The following LRRC49 variants were observed in gnomAD, a reference collection of about 807,000 sequenced individuals.
LRRC49 encodes the protein leucine rich repeat containing 49.
LRRC49 carries 50 observed loss-of-function variants against 83.3 expected under a neutral mutation model. The ratio of observed to expected loss-of-function variants is 0.60; its 90% confidence interval spans 0.48 to 0.76. The LOEUF (loss-of-function observed/expected upper bound fraction) is 0.76, where lower values mean the gene tolerates loss of function less well. Ranked by LOEUF, LRRC49 falls within the 30% of genes least tolerant of loss-of-function variation. The pLI is 0.00. For synonymous variants in LRRC49, 286 were observed against 283.3 expected (o/e 1.01, Z -0.10); for missense variants, 704 against 809.1 (o/e 0.87, Z 1.58).
At chr15:70,876,794 C>A (rs771800521) in intron 2 of LRRC49, among the ~76,000 whole-genome samples, 7 of 152,184 alleles carry the variant, frequency 4.6e-5, no homozygotes, top group Admixed American at 2.6e-4. Context: ...CAAAGGCATG[C>A]CATCTCTAAC....
chr15:71,046,935 T>C (rs546954766), intron 15 of LRRC49, among the ~76,000 whole-genome samples: 2 of 152,350 alleles, frequency 1.3e-5, no homozygotes, highest in South Asian at 4.1e-4. Context: ...GCACCGTTTA[T>C]AGAATAGGGA....
At chr15:71,046,616 T>C (rs1301645482) in intron 15 of LRRC49, among the ~76,000 whole-genome samples, 1 of 152,218 alleles carries the variant, frequency 6.6e-6, no homozygotes, top group Non-Finnish European at 1.5e-5. Context: ...GTCAGATACA[T>C]AGTTTGCAAA....
chr15:70,992,824 G>A (rs1474140473), intron 11 of LRRC49, among the ~76,000 whole-genome samples: 1 of 152,174 alleles, frequency 6.6e-6, no homozygotes, highest in Non-Finnish European at 1.5e-5. Flanking sequence ...AGGCTACTCG[G>A]GGGTCAGGGA....
Position 71,053,412 on chromosome 15 carries a change from G to A in LRRC49, c.*3800G>A, listed in dbSNP as rs151271924. 9 of 152,246 alleles carry A rather than the reference G, an allele frequency of 5.9e-5. No individual in the cohort carries two copies. The highest frequency in any genetic ancestry group is 5.8e-4 in the East Asian group (3 of 5,172). The allele number at this position is 152,246 out of a possible 1,614,324, so 9.4% of individuals were successfully genotyped here. ...GCTGGGAGGAAGGATCAGGAATTCCGTCTTATGGAATACACAATGCATCTC... is the reference window on the plus strand; with the variant it reads ...GCTGGGAGGAAGGATCAGGAATTCCATCTTATGGAATACACAATGCATCTC... On this transcript the variant is annotated 3_prime_UTR_variant, in exon 16 of 16. Transcript: ENST00000260382.
chr15:71,026,783 G>C (rs1567106312), intron 14 of LRRC49, among the ~76,000 whole-genome samples: 1 of 151,912 alleles, frequency 6.6e-6, no homozygotes. Flanking sequence ...CTTTTTGATG[G>C]GGTTGTTTGT....
chr15:70,922,431 C>T (rs559878679), intron 7 of LRRC49, among the ~76,000 whole-genome samples: 5 of 152,138 alleles, frequency 3.3e-5, no homozygotes, highest in Admixed American at 2.6e-4. Context: ...AATGGAAAAA[C>T]ACATATCGCA....
intron 13 of LRRC49, among the ~76,000 whole-genome samples, chr15:71,012,156 G>A (rs958356243): frequency 1.2e-4 from 18 of 152,110 alleles, no homozygotes; most frequent in African/African-American, 4.3e-4. Flanking sequence ...TAAAATGTAA[G>A]CAACCCTATT....
chr15:71,016,642 A>G (rs996985916), intron 14 of LRRC49, among the ~76,000 whole-genome samples: 2 of 152,080 alleles, frequency 1.3e-5, no homozygotes, highest in Non-Finnish European at 2.9e-5. Context: ...TGGAATATAT[A>G]ACAATGAGGC....
chr15:70,960,723 A>G (rs192669509), intron 8 of LRRC49, among the ~76,000 whole-genome samples: 14 of 152,212 alleles, frequency 9.2e-5, no homozygotes, highest in African/African-American at 3.4e-4. Context: ...GAACAATTGG[A>G]TGTCCATATG....
rs778742016 is a variant in LRRC49 at position 70,904,599 on chromosome 15, G to T, written c.344G>T (p.Arg115Leu). Residue 115 changes from arginine to leucine, a missense_variant, in exon 5 of 16, where the codon CGT becomes CTT. Arg to Leu is a moderately radical substitution (Grantham distance 102, BLOSUM62 -2). Coordinates refer to ENST00000260382, the MANE Select transcript of LRRC49 (RefSeq NM_017691.5). ...CPIINGEDHL[R>L]LLNFQHNFIT... Reference sequence around the variant, plus strand: ...ATCATCAATGGGGAAGACCACCTTCGTTTGTTGAACTTTCAACACAATTTT... The same window carrying T: ...ATCATCAATGGGGAAGACCACCTTCTTTTGTTGAACTTTCAACACAATTTT... The T allele has an allele frequency of 6.2e-7, 1 of 1,613,608 alleles. No homozygotes were observed. Among genetic ancestry groups the T allele is most frequent in the South Asian group, 1.1e-5 (1 of 91,052 alleles).
chr15:70,899,674 T>C (rs940143979), intron 3 of LRRC49, among the ~76,000 whole-genome samples: 1 of 152,172 alleles, frequency 6.6e-6, no homozygotes, highest in Non-Finnish European at 1.5e-5. Context: ...TGCCATTGCC[T>C]TATAGCTTTT....
chr15:70,934,208 T>A (rs2141154610), intron 7 of LRRC49, among the ~76,000 whole-genome samples: 1 of 152,332 alleles, frequency 6.6e-6, no homozygotes, highest in East Asian at 1.9e-4. Flanking sequence ...AACAGGTCTT[T>A]CTTCTGTAAA....
In LRRC49 at chr15:71,008,364, C is replaced by T. The variant is rs2079027822; in HGVS notation, c.1170-15C>T. On this transcript the variant is annotated splice_polypyrimidine_tract_variant and intron_variant, in intron 11 of 15. Transcript: ENST00000260382. The stretch of plus-strand genomic sequence containing the variant: ...ATGATATCTTTCATTTAAAATTATA[C>T]TTTGGGTTTTCCAGGCCTCTAGACT... 6.7e-7 allele frequency: 1 copy of T among 1,482,590 alleles called. No individual in the cohort carries two copies. Among genetic ancestry groups the T allele is most frequent in the African/African-American group, 1.4e-5 (1 of 72,352 alleles). The allele number at this position is 1,482,590 out of a possible 1,614,324, so 91.8% of individuals were successfully genotyped here.
chr15:70,904,141 G>GA (rs1286932931), intron 4 of LRRC49, among the ~76,000 whole-genome samples: 1 of 152,024 alleles, frequency 6.6e-6, no homozygotes, highest in Non-Finnish European at 1.5e-5. Flanking sequence ...TAACTCTGAT[G>GA]ACTTAGTTGC....
intron 7 of LRRC49, among the ~76,000 whole-genome samples, chr15:70,932,680 A>T (rs1336980216): frequency 6.7e-6 from 1 of 148,344 alleles, no homozygotes; most frequent in East Asian, 2.0e-4. Context: ...ACGTGATCAG[A>T]TTGCTGAATC....
intron 2 of LRRC49, chr15:70,882,170 T>C: frequency 3.4e-6 from 1 of 297,040 alleles, no homozygotes; most frequent in Non-Finnish European, 6.2e-6. Flanking sequence ...TTAATTTTGA[T>C]TAGGAAGTGT....
Position 70,967,188 on chromosome 15 carries a change from C to T in LRRC49, c.921+3256C>T, listed in dbSNP as rs553633820. On this transcript the variant is annotated intron_variant, in intron 9 of 15. Coordinates refer to ENST00000260382, the MANE Select transcript of LRRC49 (RefSeq NM_017691.5). ...TCAACATGGCTAAGCATTGAGTGTA[C>T]ATGGCTGAGGGACATAGAAGGAGAC... 5.9e-5 allele frequency among the ~76,000 whole-genome samples: 9 copies of T among 152,168 alleles called. 1 individual carries two copies. The South Asian group carries it at 1.9e-3, about 32-fold the overall frequency.
At chr15:71,036,584 A>G (rs934601661) in intron 14 of LRRC49, among the ~76,000 whole-genome samples, 1 of 152,180 alleles carries the variant, frequency 6.6e-6, no homozygotes, top group East Asian at 1.9e-4. Context: ...AAGTGATACT[A>G]TGAGCACTAT....
chr15:70,894,814 T>C (rs1461027745), intron 2 of LRRC49: 8 of 247,080 alleles, frequency 3.2e-5, no homozygotes, highest in Admixed American at 5.3e-5. Flanking sequence ...GAGGCAGCTG[T>C]TGATTACATT....
Sources: allele counts gnomAD v4.1 joint callset (sites outside exome capture counted in the v4.1 genomes callset), GRCh38; gene constraint gnomAD v4.1.1; transcripts MANE v1.5; gene names NCBI Gene and HGNC (gene_info 2026-07-23, HGNC 2026-07-21).